The following CFAP65 variants were observed in gnomAD, a reference collection of about 807,000 sequenced individuals.
CFAP65 encodes the protein cilia- and flagella-associated protein 65.
Under a neutral mutation model 208.0 loss-of-function variants are expected in CFAP65, and 155 were observed. The observed-to-expected ratio is 0.75, with a 90% CI of 0.65 to 0.85. The LOEUF (loss-of-function observed/expected upper bound fraction) is 0.85. CFAP65 is among the 40% of genes least tolerant of loss of function. The pLI, the probability that CFAP65 is intolerant of heterozygous loss-of-function variation, is 0.00. For missense variants in CFAP65, 2,294 were observed against 2,451.3 expected, an observed-to-expected ratio of 0.94 and a Z score of 1.36; for synonymous variants, 970 against 986.3, an observed-to-expected ratio of 0.98 and a Z score of 0.31.
rs757498735 is a variant in CFAP65, at chr2:219,027,674, C to A, written c.2187G>T (p.Glu729Asp). Residue 729 changes from glutamate (E) to aspartate (D), a missense_variant, in exon 13 of 35, where the codon GAG (glutamate) becomes GAT (aspartate). Physicochemically the swap from Glu to Asp is conservative, Grantham distance 45. Coordinates refer to ENST00000341552, the MANE Select transcript of CFAP65 (RefSeq NM_194302.4). ...CCTTATAGATGGCGAAGGCTTCGAG[C>A]TCCACCGTGTAAAGGCAGTTGGGGT... The part of the protein sequence containing the change: ...PPHPNCLYTV[E>D]LEAFAIYKVL... 1.5e-5 allele frequency: 25 copies of A among 1,614,016 alleles called. No individual in the cohort carries two copies. The highest frequency in any genetic ancestry group is 2.1e-5 in the Non-Finnish European group (25 of 1,180,042).
In CFAP65 at chr2:219,038,836, T is replaced by C. The variant is rs545133130; in HGVS notation, c.153+60A>G. 62 of 1,538,470 alleles carry C rather than the reference T, an allele frequency of 4.0e-5. No homozygotes were observed. In the African/African-American group the frequency reaches 5.3e-4, roughly 13 times the overall value. On this transcript the variant is annotated intron_variant, in intron 3 of 34. Transcript: ENST00000341552. The stretch of plus-strand genomic sequence containing the variant: ...AGGCCCACCCCACTAGGCCCCTCCA[T>C]GGCCACACTTGGCACTGCTCAGCAA...
In CFAP65 at chr2:219,031,223, C is replaced by A. The variant is rs746697989; in HGVS notation, c.898G>T (p.Ala300Ser). 5 of 1,613,738 alleles carry A rather than the reference C, an allele frequency of 3.1e-6. No individual in the cohort carries two copies. The highest frequency in any genetic ancestry group is 2.5e-6 in the Non-Finnish European group (3 of 1,179,884). ...PATGLLEPGQ[A>S]SQIKVTFQPL... ...TGAAAGGTCACCTTGATCTGAGAGG[C>A]CTGGCCTGGCTCCAGGAGCCCCGTG... Residue 300 changes from alanine (A) to serine (S), a missense_variant, in exon 8 of 35, where the codon GCC (alanine) becomes TCC (serine). By Grantham distance (99) the Ala-to-Ser change is moderately conservative (BLOSUM62 1). Coordinates refer to ENST00000341552, the MANE Select transcript of CFAP65 (RefSeq NM_194302.4). The surrounding 1 kb of genome is among the most constrained non-coding windows in gnomAD (Gnocchi z 5.2).
intron 22 of CFAP65, 134 bp downstream of exon 22, chr2:219,013,734 G>A: frequency 8.7e-7 from 1 of 1,143,476 alleles, no homozygotes; most frequent in Non-Finnish European, 1.3e-6. Context: ...AAGGAAATTA[G>A]ACCTCCTCTG....
At chr2:219,040,435 C>T in intron 2 of CFAP65, 84 bp downstream of exon 2, 1 of 786,682 alleles carries the variant, frequency 1.3e-6, no homozygotes, top group South Asian at 1.5e-5. Flanking sequence ...TATCTAGATT[C>T]AGTCGTTCGT....
chr2:219,013,743 T>C, intron 22 of CFAP65, 125 bp downstream of exon 22: 1 of 1,147,326 alleles, frequency 8.7e-7, no homozygotes, highest in Non-Finnish European at 1.3e-6. Flanking sequence ...AGACCTCCTC[T>C]GCAGGTGAGA....
intron 19 of CFAP65, among the ~76,000 whole-genome samples, chr2:219,020,007 T>G (rs920325975): frequency 2.0e-5 from 3 of 152,198 alleles, no homozygotes; most frequent in African/African-American, 7.2e-5. Flanking sequence ...GAGACACCAT[T>G]ATATACTGGG....
At position 219,009,480 on chromosome 2, in the gene CFAP65, G is replaced by T; in HGVS notation, c.4453-20C>A. ...AGACACCTGTTGATTTGGGGAAGGAGTCTCTGGAGATTCACAGGGATGGAA... is the reference window on the plus strand; with the variant it reads ...AGACACCTGTTGATTTGGGGAAGGATTCTCTGGAGATTCACAGGGATGGAA... On this transcript the variant is annotated intron_variant, in intron 27 of 34. Transcript: ENST00000341552. 6.5e-7 allele frequency: 1 copy of T among 1,539,756 alleles called. No individual in the cohort carries two copies. The highest frequency in any genetic ancestry group is 9.0e-7 in the Non-Finnish European group (1 of 1,113,292).
At position 219,004,123 on chromosome 2, in the gene CFAP65, A is replaced by G. The variant is rs1311480085; in HGVS notation, c.5384T>C (p.Ile1795Thr). 1.7e-5 allele frequency: 27 copies of G among 1,611,424 alleles called. No homozygotes were observed. Among genetic ancestry groups the G allele is most frequent in the Non-Finnish European group, 2.2e-5 (26 of 1,179,360 alleles). Residue 1795 changes from isoleucine to threonine, a missense_variant, in exon 33 of 35, where the codon ATA becomes ACA. Ile to Thr is a moderately conservative substitution (Grantham distance 89). This residue lies in a region of CFAP65 where 1,427 missense variants were observed against 1,438.7 expected (regional missense o/e 0.99). Transcript: ENST00000341552. This position sits in a 1 kb window ranked among gnomAD's most constrained non-coding sequence, Gnocchi z 4.7. Reference sequence around the variant, plus strand: ...ATCCCTCTCCTCCTCCTTCTCCTCTATCTCCTCCTTGCCCAACTCCTCCTC... The same window carrying G: ...ATCCCTCTCCTCCTCCTTCTCCTCTGTCTCCTCCTTGCCCAACTCCTCCTC... ...TEEEELGKEE[I>T]EEKEEERDEK... is the part of the protein sequence containing the mutation.
At chr2:219,019,001 C>T (rs753206062) in intron 21 of CFAP65, 50 bp downstream of exon 21, 1 of 1,612,808 alleles carries the variant, frequency 6.2e-7, no homozygotes, top group Non-Finnish European at 8.5e-7. Flanking sequence ...CTCCTTCAGC[C>T]TCTAGGCACT....
intron 32 of CFAP65, among the ~76,000 whole-genome samples, chr2:219,005,084 C>T (rs957026754): frequency 1.3e-5 from 2 of 151,918 alleles, no homozygotes; most frequent in Non-Finnish European, 2.9e-5. Flanking sequence ...TGGCTCACAG[C>T]AGCCTCAACC....
At position 219,006,069 on chromosome 2, in the gene CFAP65, T is replaced by A; in HGVS notation, c.4874A>T (p.Tyr1625Phe). Residue 1625 changes from tyrosine (Y) to phenylalanine (F), a missense_variant, in exon 31 of 35, where the codon TAC (tyrosine) becomes TTC (phenylalanine). Tyr to Phe is a conservative substitution (Grantham distance 22). This residue lies in a region of CFAP65 where 1,427 missense variants were observed against 1,438.7 expected (regional missense o/e 0.99). Transcript: ENST00000341552. ...CTCTGAGAAGAAGTTAGCCAGAAAG[T>A]AGTCGGTGGCATGGGCTCGGGCAGT... ...GLTARAHATD[Y>F]FLANFFSEFP... The A allele has an allele frequency of 6.2e-7, 1 of 1,613,424 alleles. No homozygotes were observed. Among genetic ancestry groups the A allele is most frequent in the Non-Finnish European group, 8.5e-7 (1 of 1,179,998 alleles).
At chr2:219,019,367 T>A (rs1294674487) in intron 20 of CFAP65, 139 bp downstream of exon 20, 5 of 1,045,514 alleles carry the variant, frequency 4.8e-6, no homozygotes, top group Non-Finnish European at 6.9e-6. Context: ...CCTCCAGGGA[T>A]GGGCGAGAAC....
intron 22 of CFAP65, 69 bp downstream of exon 22, chr2:219,013,799 T>C: frequency 7.0e-7 from 1 of 1,426,912 alleles, no homozygotes; most frequent in African/African-American, 1.4e-5. Context: ...CCTGGAGTCA[T>C]ACAATGAAAT....
chr2:219,010,833 A>G lies in CFAP65; in HGVS notation c.4121T>C (p.Phe1374Ser), dbSNP rs1946425388. ...GTAGGTCTTGGCCTCGATAGGTGAG[A>G]AGATCCACAAGACCCGGGCAGTGCT... The part of the protein sequence containing the change: ...PGSTARVLWI[F>S]SPIEAKTYTV... The change falls in exon 25 of 35, where the codon TTC becomes TCC. Residue 1374 changes from phenylalanine (F) to serine (S), a missense_variant. By Grantham distance (155) the Phe-to-Ser change is radical. Coordinates refer to ENST00000341552, the MANE Select transcript of CFAP65 (RefSeq NM_194302.4). 2 of 1,607,846 alleles carry G rather than the reference A, an allele frequency of 1.2e-6. No homozygotes were observed. The highest frequency in any genetic ancestry group is 1.7e-6 in the Non-Finnish European group (2 of 1,176,148).
chr2:219,025,800 C>T (rs1215749691), intron 14 of CFAP65, among the ~76,000 whole-genome samples: 1 of 152,180 alleles, frequency 6.6e-6, no homozygotes. Flanking sequence ...AAGGGGCCAG[C>T]TGTCCAGGAT....
intron 29 of CFAP65, among the ~76,000 whole-genome samples, chr2:219,008,815 C>T (rs1946217559): frequency 6.6e-6 from 1 of 152,228 alleles, no homozygotes; most frequent in Non-Finnish European, 1.5e-5. Flanking sequence ...AGTAGCCACT[C>T]ATTAAATGCT....
intron 22 of CFAP65, 118 bp downstream of exon 22, chr2:219,013,750 G>A (rs893780829): frequency 8.6e-7 from 1 of 1,167,408 alleles, no homozygotes; most frequent in Middle Eastern, 2.0e-4. Context: ...CTCTGCAGGT[G>A]AGAAGGTGGT....
At chr2:219,022,635 G>C in intron 16 of CFAP65, among the ~76,000 whole-genome samples, 1 of 152,300 alleles carries the variant, frequency 6.6e-6, no homozygotes, top group Non-Finnish European at 1.5e-5. Flanking sequence ...CAACATTCCA[G>C]GCCAACTCCA....
At chr2:219,029,897 C>T in intron 10 of CFAP65, 89 bp downstream of exon 10, 1 of 1,353,726 alleles carries the variant, frequency 7.4e-7, no homozygotes, top group Non-Finnish European at 1.0e-6. Flanking sequence ...CAAGGTGGCC[C>T]CGCCTCCTAG....
Sources: allele counts gnomAD v4.1 joint callset (sites outside exome capture counted in the v4.1 genomes callset), GRCh38; gene constraint gnomAD v4.1.1; regional missense constraint gnomAD v4.1.1; non-coding constraint Gnocchi (gnomAD v3.1); transcripts MANE v1.5; gene names NCBI Gene and HGNC (gene_info 2026-07-23, HGNC 2026-07-21).